BIRC2: variants seen among roughly 807,000 people sequenced by gnomAD.
BIRC2 encodes baculoviral IAP repeat containing 2.
Under a neutral mutation model 60.9 loss-of-function variants are expected in BIRC2, and 18 were observed. That is an observed-to-expected ratio of 0.30 (90% CI 0.20 to 0.44). BIRC2 has a LOEUF of 0.44. BIRC2 is among the 20% of genes least tolerant of loss of function. BIRC2 has a pLI of 1.00. For synonymous variants in BIRC2, 282 were observed against 247.7 expected (o/e 1.14, Z -1.30); for missense variants, 701 against 728.5 (o/e 0.96, Z 0.43).
chr11:102,364,827 A>G (rs1951535271), intron 5 of BIRC2, among the ~76,000 whole-genome samples: 1 of 152,214 alleles, frequency 6.6e-6, no homozygotes, highest in Non-Finnish European at 1.5e-5. Context: ...ACCTGGGTAC[A>G]TGACAACTAT....
rs33931521 is a variant in BIRC2, at chr11:102,378,420, T to TGG, written c.*237_*238insGG. 0.058 allele frequency: 18,639 copies of TGG among 323,992 alleles called. 583 individuals are homozygous for TGG. Among genetic ancestry groups the TGG allele is most frequent in the Non-Finnish European group, 0.07 (12,662 of 180,240 alleles). 20.1% of individuals were successfully genotyped at this position (323,992 alleles called of 1,614,324 possible). ...GGTGAACTATATTAGTATGTATGTG[T>TGG]ACCTAAGGGAGTAGTGTCACTGCTT... On this transcript the variant is annotated 3_prime_UTR_variant, in exon 9 of 9. Transcript: ENST00000227758.
chr11:102,369,132 A>T (rs1369318131), intron 6 of BIRC2, among the ~76,000 whole-genome samples: 2 of 142,150 alleles, frequency 1.4e-5, no homozygotes, highest in African/African-American at 2.5e-5. Context: ...GTAATCATTT[A>T]TTCCTTCAAT....
intron 5 of BIRC2, 42 bp from the exon 6 acceptor site, chr11:102,368,264 A>G: frequency 6.3e-7 from 1 of 1,589,020 alleles, no homozygotes; most frequent in Non-Finnish European, 8.6e-7. Context: ...CCATAGGTTT[A>G]TGTTTGTGGA....
intron 3 of BIRC2, among the ~76,000 whole-genome samples, chr11:102,358,581 A>G (rs143476539): frequency 1.7e-3 from 260 of 152,258 alleles, no homozygotes; most frequent in African/African-American, 4.6e-3. Flanking sequence ...GTCTTCTAGT[A>G]TTATTGTGTT....
rs1951342764 is a variant in BIRC2 at position 102,350,298 on chromosome 11, G to T, written c.444G>T (p.Leu148Phe). Residue 148 changes from leucine (L) to phenylalanine (F), a missense_variant, in exon 2 of 9, where the codon TTG becomes TTT. Coordinates refer to ENST00000227758, the MANE Select transcript of BIRC2 (RefSeq NM_001166.5). ...SLSPTLEHSS[L>F]FSGSYSSLSP... Reference sequence around the variant, plus strand: ...CTCCCACCTTGGAACATAGTAGCTTGTTCAGTGGTTCTTACTCCAGCCTTT... The same window carrying T: ...CTCCCACCTTGGAACATAGTAGCTTTTTCAGTGGTTCTTACTCCAGCCTTT... The T allele has an allele frequency of 1.2e-6, 2 of 1,614,096 alleles. No individual in the cohort carries two copies. The highest frequency in any genetic ancestry group is 1.1e-5 in the South Asian group (1 of 91,084).
At chr11:102,373,281 G>A (rs1367652519) in intron 6 of BIRC2, among the ~76,000 whole-genome samples, 1 of 152,160 alleles carries the variant, frequency 6.6e-6, no homozygotes, top group Non-Finnish European at 1.5e-5. Context: ...TTTACATTTT[G>A]GCATGATTTT....
intron 5 of BIRC2, among the ~76,000 whole-genome samples, chr11:102,364,031 C>T (rs927904009): frequency 6.7e-6 from 1 of 150,040 alleles, no homozygotes; most frequent in African/African-American, 2.5e-5. Context: ...TCCTGGGCAA[C>T]AGAGCGAAAC....
At chr11:102,363,105 C>A (rs1254636661) in intron 4 of BIRC2, 131 bp downstream of exon 4, 1 of 615,342 alleles carries the variant, frequency 1.6e-6, no homozygotes, top group East Asian at 2.8e-5. Context: ...CACTTTTGTA[C>A]CAACCTATAT....
In BIRC2 at chr11:102,350,828, C is replaced by G; in HGVS notation, c.896-16C>G. Reference sequence around the variant, plus strand: ...AACATACGTGTTTTCAATATTTAGTCTTTTTTTTCCTGAAGGTCGCAATGA... The same window carrying G: ...AACATACGTGTTTTCAATATTTAGTGTTTTTTTTCCTGAAGGTCGCAATGA... On this transcript the variant is annotated splice_polypyrimidine_tract_variant and intron_variant, in intron 2 of 8. Coordinates refer to ENST00000227758, the MANE Select transcript of BIRC2 (RefSeq NM_001166.5). The G allele has an allele frequency of 6.2e-7, 1 of 1,611,200 alleles. No individual in the cohort carries two copies. Among genetic ancestry groups the G allele is most frequent in the Non-Finnish European group, 8.5e-7 (1 of 1,179,062 alleles).
chr11:102,365,545 T>C (rs1951543289), intron 5 of BIRC2, among the ~76,000 whole-genome samples: 1 of 152,168 alleles, frequency 6.6e-6, no homozygotes, highest in East Asian at 1.9e-4. Flanking sequence ...ACCTGTTAAT[T>C]AGCATTTGAT....
At position 102,362,952 on chromosome 11, in the gene BIRC2, G is replaced by C. The variant is rs1431615836; in HGVS notation, c.1052G>C (p.Arg351Thr). The change falls in exon 4 of 9, where the codon AGA becomes ACA. Residue 351 changes from arginine (R) to threonine (T), a missense_variant. This residue lies in a region of BIRC2 where 39 missense variants were observed against 69.8 expected (regional missense o/e 0.56). Transcript: ENST00000227758. ...GAGTTTGTTGATGAGATTCAAGGTA[G>C]ATATCCTCATCTTCTTGAACAGGTA... The part of the protein sequence containing the change: ...GQEFVDEIQG[R>T]YPHLLEQLLS... 2 of 1,611,784 alleles carry C rather than the reference G, an allele frequency of 1.2e-6. No homozygotes were observed. The highest frequency in any genetic ancestry group is 1.7e-6 in the Non-Finnish European group (2 of 1,178,340).
chr11:102,360,582 T>G (rs1013158372), intron 3 of BIRC2, among the ~76,000 whole-genome samples: 4 of 152,092 alleles, frequency 2.6e-5, no homozygotes, highest in African/African-American at 7.2e-5. Flanking sequence ...CTGAGTTTGC[T>G]TGAAACAATT....
At chr11:102,371,996 G>A (rs1167064072) in intron 6 of BIRC2, among the ~76,000 whole-genome samples, 1 of 152,182 alleles carries the variant, frequency 6.6e-6, no homozygotes, top group Non-Finnish European at 1.5e-5. Flanking sequence ...TTGTATTTCT[G>A]TGGGATCAGT....
rs1951350918 is a variant in BIRC2, at chr11:102,350,846, C to T, written c.898C>T (p.Arg300Cys). The change falls in exon 3 of 9, where the codon CGC (arginine) becomes TGC (cysteine). Residue 300 changes from arginine (R) to cysteine (C), a missense_variant and splice_region_variant. Transcript: ENST00000227758. ...LASAGFYYVG[R>C]NDDVKCFCCD... ...ATTTAGTCTTTTTTTTCCTGAAGGT[C>T]GCAATGATGATGTCAAATGCTTTTG... 4.3e-6 allele frequency: 7 copies of T among 1,612,770 alleles called. No homozygotes were observed. Among genetic ancestry groups the T allele is most frequent in the East Asian group, 2.2e-5 (1 of 44,878 alleles).
Position 102,353,267 on chromosome 11 carries a change from GAGA to G in BIRC2, c.995+2328_995+2330del, listed in dbSNP as rs1161515180. Among the ~76,000 whole-genome samples, 8 of 152,288 alleles carry G rather than the reference GAGA, an allele frequency of 5.3e-5. No individual in the cohort carries two copies. In the South Asian group the frequency reaches 1.2e-3, roughly 24 times the overall value. ...TGTGTTTTGTTTTAAATGATTAAGGGAGAAGATGTAGGGGCGTGTTTTGTAAAT... is the reference window on the plus strand; with the variant it reads ...TGTGTTTTGTTTTAAATGATTAAGGGAGATGTAGGGGCGTGTTTTGTAAAT... On this transcript the variant is annotated intron_variant, in intron 3 of 8. Coordinates refer to ENST00000227758, the MANE Select transcript of BIRC2 (RefSeq NM_001166.5).
rs759513163 is a variant in BIRC2, at chr11:102,377,868, A to G, written c.1633A>G (p.Met545Val). 3 of 1,610,798 alleles carry G rather than the reference A, an allele frequency of 1.9e-6. No homozygotes were observed. Among genetic ancestry groups the G allele is most frequent in the South Asian group, 2.2e-5 (2 of 90,012 alleles). The part of the protein sequence containing the change: ...LYKNLFVDKN[M>V]KYIPTEDVSG... ...TTTTCTTTCCTCAGTGGATAAGAAT[A>G]TGAAGTATATTCCAACAGAAGATGT... The change falls in exon 8 of 9, where the codon ATG becomes GTG. Residue 545 changes from methionine (M) to valine (V), a missense_variant. By Grantham distance (21) the Met-to-Val change is conservative. Transcript: ENST00000227758.
rs1292500348 is a variant in BIRC2 at position 102,349,650 on chromosome 11, A to G, written c.-205A>G. ...ACCTGAAAGAGTTACTACAACCCCA[A>G]AGAGTTGTGTTCTAAGTAGTATCTT... is the stretch of plus-strand genomic sequence containing the variant. On this transcript the variant is annotated 5_prime_UTR_variant, in exon 2 of 9. Coordinates refer to ENST00000227758, the MANE Select transcript of BIRC2 (RefSeq NM_001166.5). 9.9e-6 allele frequency: 5 copies of G among 505,842 alleles called. No homozygotes were observed. The highest frequency in any genetic ancestry group is 3.8e-5 in the South Asian group (1 of 26,154). The allele number at this position is 505,842 out of a possible 1,614,324, so 31.3% of individuals were successfully genotyped here. A position where few individuals can be genotyped will look rare whatever the true frequency, so the allele number is the denominator to read the frequency against.
Position 102,354,409 on chromosome 11 carries a change from A to G in BIRC2, c.995+3466A>G, listed in dbSNP as rs140304423. Among the ~76,000 whole-genome samples, 424 of 152,222 alleles carry G rather than the reference A, an allele frequency of 2.8e-3. 3 individuals carry two copies. The highest frequency in any genetic ancestry group is 9.8e-3 in the African/African-American group (407 of 41,532). The stretch of plus-strand genomic sequence containing the variant: ...GTTTTTGTAGAGACGGGGTTTCACC[A>G]TGTTGGCCAGGCTGGTCTCAGACTC... On this transcript the variant is annotated intron_variant, in intron 3 of 8. Transcript: ENST00000227758.
At chr11:102,376,910 A>G (rs947525735) in intron 6 of BIRC2, among the ~76,000 whole-genome samples, 3 of 152,164 alleles carry the variant, frequency 2.0e-5, no homozygotes, top group Non-Finnish European at 2.9e-5. Context: ...GGCCTAGCCA[A>G]CACTGGAACC....
Sources: allele counts gnomAD v4.1 joint callset (sites outside exome capture counted in the v4.1 genomes callset), GRCh38; gene constraint gnomAD v4.1.1; regional missense constraint gnomAD v4.1.1; transcripts MANE v1.5; gene names NCBI Gene and HGNC (gene_info 2026-07-23, HGNC 2026-07-21).